The following UGGT2 variants were observed in gnomAD, a reference collection of about 807,000 sequenced individuals.
UGGT2 encodes the protein UDP-glucose:glycoprotein glucosyltransferase 2.
A neutral mutation model predicts 192.1 loss-of-function variants in UGGT2; 180 were observed. The observed-to-expected ratio is 0.94, with a 90% CI of 0.83 to 1.06. The LOEUF (loss-of-function observed/expected upper bound fraction) is 1.06. Among genes scored for constraint, UGGT2 ranks in the 50% least tolerant of loss-of-function variants. The pLI is 0.00. For missense variants in UGGT2, 1,849 were observed against 1,795.7 expected, an observed-to-expected ratio of 1.03 and a Z score of -0.54; for synonymous variants, 580 against 591.0, an observed-to-expected ratio of 0.98 and a Z score of 0.27.
chr13:95,977,200 T>C (rs1424890192), intron 10 of UGGT2, among the ~76,000 whole-genome samples: 5 of 152,152 alleles, frequency 3.3e-5, no homozygotes, highest in African/African-American at 7.2e-5. Flanking sequence ...AATTGACTAA[T>C]GGGATCTAAT....
intron 17 of UGGT2, among the ~76,000 whole-genome samples, chr13:95,930,759 G>A (rs2049225648): frequency 6.6e-6 from 1 of 152,166 alleles, no homozygotes; most frequent in Admixed American, 6.5e-5. Flanking sequence ...CTCGCGGTGA[G>A]TGTTACAGTT....
At chr13:95,865,562 GC>G in intron 30 of UGGT2, among the ~76,000 whole-genome samples, 1 of 152,306 alleles carries the variant, frequency 6.6e-6, no homozygotes, top group Middle Eastern at 3.4e-3. Flanking sequence ...TACTCAGGGG[GC>G]TGAGGCAGAA....
At chr13:95,920,737 G>A (rs1229735568) in intron 20 of UGGT2, among the ~76,000 whole-genome samples, 1 of 152,114 alleles carries the variant, frequency 6.6e-6, no homozygotes, top group Non-Finnish European at 1.5e-5. Context: ...TAAACACAGT[G>A]GGAATAAAAA....
chr13:95,960,821 T>C (rs541587907), intron 12 of UGGT2, among the ~76,000 whole-genome samples: 2 of 152,184 alleles, frequency 1.3e-5, no homozygotes, highest in Admixed American at 1.3e-4. Flanking sequence ...GGAACACCCA[T>C]CAGATTAACA....
At chr13:95,982,348 C>G (rs2051153558) in intron 10 of UGGT2, among the ~76,000 whole-genome samples, 1 of 152,170 alleles carries the variant, frequency 6.6e-6, no homozygotes, top group Admixed American at 6.5e-5. Flanking sequence ...TGGCATTGTG[C>G]CAGTAGGAAC....
intron 12 of UGGT2, among the ~76,000 whole-genome samples, chr13:95,960,705 T>A: frequency 6.6e-6 from 1 of 152,264 alleles, no homozygotes; most frequent in South Asian, 2.1e-4. Flanking sequence ...GATTCCCAAA[T>A]AGATACAATT....
chr13:95,974,222 T>G (rs2050866805), intron 10 of UGGT2, among the ~76,000 whole-genome samples: 1 of 152,176 alleles, frequency 6.6e-6, no homozygotes, highest in Non-Finnish European at 1.5e-5. Flanking sequence ...AGAGGTAAAA[T>G]TTTTATTTGT....
chr13:95,990,022 C>G lies in UGGT2; in HGVS notation c.882G>C (p.Leu294=). 1 of 1,606,626 alleles carries G rather than the reference C, an allele frequency of 6.2e-7. No individual in the cohort carries two copies. Among genetic ancestry groups the G allele is most frequent in the African/African-American group, 1.3e-5 (1 of 74,844 alleles). Residue 294 remains leucine (L), a synonymous_variant, in exon 8 of 39, where the codon CTG becomes CTC. Coordinates refer to ENST00000376747, the MANE Select transcript of UGGT2 (RefSeq NM_020121.4). ...RDNLTAFQKY[L]IESNKQMMPL... is the part of the protein sequence containing the mutation. The stretch of plus-strand genomic sequence containing the variant: ...GCATCATTTGTTTGTTACTCTCAAT[C>G]AGGTATTTTTGGAATGCTGTCAGAT...
In UGGT2 at chr13:95,905,171, C is replaced by A. The variant is rs1049739630; in HGVS notation, c.2296-2111G>T. 1.2e-4 allele frequency among the ~76,000 whole-genome samples: 19 copies of A among 152,078 alleles called. No individual in the cohort carries two copies. The East Asian group carries it at 3.1e-3, about 25-fold the overall frequency. ...TGTTTTTTTCGTGTAAATTTGTTTG[C>A]ATTCATTGTAGATTCTGGATATTAG... is the stretch of plus-strand genomic sequence containing the variant. On this transcript the variant is annotated intron_variant, in intron 20 of 38. Coordinates refer to ENST00000376747, the MANE Select transcript of UGGT2 (RefSeq NM_020121.4).
chr13:96,015,291 AAG>A, intron 4 of UGGT2, among the ~76,000 whole-genome samples: 1 of 151,810 alleles, frequency 6.6e-6, no homozygotes. Flanking sequence ...AAAAAAAAAA[AAG>A]AAAGAAAACT....
At chr13:96,017,614 T>A (rs1251590706) in intron 4 of UGGT2, among the ~76,000 whole-genome samples, 1 of 152,180 alleles carries the variant, frequency 6.6e-6, no homozygotes, top group Non-Finnish European at 1.5e-5. Context: ...TTTATTTACA[T>A]GTAAGAACAC....
intron 31 of UGGT2, among the ~76,000 whole-genome samples, chr13:95,861,613 G>A (rs982719138): frequency 1.3e-5 from 2 of 152,010 alleles, no homozygotes; most frequent in Non-Finnish European, 2.9e-5. Flanking sequence ...TATTCATAAT[G>A]TATAAATTCA....
rs189003880 is a variant in UGGT2, at chr13:96,008,456, A to G, written c.660+4851T>C. Among the ~76,000 whole-genome samples, 46 of 152,330 alleles carry G rather than the reference A, an allele frequency of 3.0e-4. 1 individual carries two copies. The East Asian group carries it at 8.5e-3, about 28-fold the overall frequency. On this transcript the variant is annotated intron_variant, in intron 5 of 38. Coordinates refer to ENST00000376747, the MANE Select transcript of UGGT2 (RefSeq NM_020121.4). ...AAGCAAACTATACCTGTTTGCAGAC[A>G]ACATGATTCCATATCTAGACAATCC...
chr13:96,016,005 T>C (rs2052326642), intron 4 of UGGT2, among the ~76,000 whole-genome samples: 1 of 152,204 alleles, frequency 6.6e-6, no homozygotes, highest in African/African-American at 2.4e-5. Context: ...CTTGGCTGCA[T>C]TGTGCTTATG....
chr13:95,836,972 A>G, intron 37 of UGGT2, 114 bp downstream of exon 37: 1 of 867,986 alleles, frequency 1.2e-6, no homozygotes, highest in Non-Finnish European at 1.8e-6. Flanking sequence ...TAGACTGAAC[A>G]GCAGAAGAAG....
intron 5 of UGGT2, among the ~76,000 whole-genome samples, chr13:96,006,216 A>G (rs139000362): frequency 2.0e-5 from 3 of 152,354 alleles, no homozygotes; most frequent in Non-Finnish European, 4.4e-5. Flanking sequence ...AAAATTCATC[A>G]CACATATTAA....
chr13:95,983,030 G>A (rs545195807), intron 10 of UGGT2, among the ~76,000 whole-genome samples: 27 of 152,106 alleles, frequency 1.8e-4, no homozygotes, highest in Non-Finnish European at 3.5e-4. Flanking sequence ...CCATACCCAG[G>A]CCACTTCTCC....
chr13:95,830,293 A>G (rs928926304), intron 38 of UGGT2, among the ~76,000 whole-genome samples: 1 of 152,200 alleles, frequency 6.6e-6, no homozygotes, highest in South Asian at 2.1e-4. Flanking sequence ...AACTAACTAA[A>G]CTAAAGCGCT....
intron 12 of UGGT2, among the ~76,000 whole-genome samples, chr13:95,953,495 T>C (rs2050128154): frequency 6.6e-6 from 1 of 152,092 alleles, no homozygotes; most frequent in African/African-American, 2.4e-5. Context: ...ACCAAAATTG[T>C]AATTTGAACA....
Sources: allele counts gnomAD v4.1 joint callset (sites outside exome capture counted in the v4.1 genomes callset), GRCh38; gene constraint gnomAD v4.1.1; transcripts MANE v1.5; gene names NCBI Gene and HGNC (gene_info 2026-07-23, HGNC 2026-07-21).